The following PCDH10 variants were observed in gnomAD, a reference collection of about 807,000 sequenced individuals.
The protein encoded by PCDH10 is protocadherin-10.
Under a neutral mutation model 74.4 loss-of-function variants are expected in PCDH10, and 15 were observed. The ratio of observed to expected loss-of-function variants is 0.20; its 90% confidence interval spans 0.13 to 0.31. The LOEUF (loss-of-function observed/expected upper bound fraction) is 0.31. Among genes scored for constraint, PCDH10 ranks in the 10% least tolerant of loss-of-function variants. PCDH10 has a pLI of 1.00. For synonymous variants in PCDH10, 619 were observed against 589.8 expected (o/e 1.05, Z -0.72); for missense variants, 1,260 against 1,390.2 (o/e 0.91, Z 1.49).
chr4:133,178,106 A>C (rs1226377044), intron 4 of PCDH10, among the ~76,000 whole-genome samples: 3 of 152,034 alleles, frequency 2.0e-5, no homozygotes, highest in Non-Finnish European at 4.4e-5. Flanking sequence ...AGGTATAGTT[A>C]AGGTTAAGAT....
At chr4:133,166,468 G>A (rs1727084089) in intron 4 of PCDH10, among the ~76,000 whole-genome samples, 1 of 151,430 alleles carries the variant, frequency 6.6e-6, no homozygotes, top group African/African-American at 2.4e-5. Context: ...TATTTTAAAT[G>A]ATTCAGTCTT....
intron 2 of PCDH10, among the ~76,000 whole-genome samples, chr4:133,207,342 C>T (rs764571158): frequency 2.0e-5 from 3 of 152,168 alleles, no homozygotes; most frequent in Non-Finnish European, 4.4e-5. Context: ...AACTAGCAAG[C>T]TTCAATACTT....
intron 2 of PCDH10, among the ~76,000 whole-genome samples, chr4:133,203,451 A>G (rs1727943931): frequency 6.6e-6 from 1 of 152,152 alleles, no homozygotes; most frequent in African/African-American, 2.4e-5. Flanking sequence ...AGAGCCCCAG[A>G]CTTAAGTTGG....
chr4:133,154,254 C>G (rs188424886), intron 1 of PCDH10, 53 bp from the exon 2 acceptor site: 1 of 1,100,350 alleles, frequency 9.1e-7, no homozygotes, highest in Non-Finnish European at 1.4e-6. Flanking sequence ...AAGTAGACTG[C>G]TAGTTCAACC....
Position 133,193,020 on chromosome 4 carries a change from GAAA to G in PCDH10, c.*2867_*2869del, listed in dbSNP as rs202172903. On this transcript the variant is annotated 3_prime_UTR_variant, in exon 5 of 5. Coordinates refer to ENST00000264360, the MANE Select transcript of PCDH10 (RefSeq NM_032961.3). Reference sequence around the variant, plus strand: ...AGTATTTCGTCAATAAATTATTTCAGAAAAAAAAATCATGTCATTTACTCCTTG... The same window carrying G: ...AGTATTTCGTCAATAAATTATTTCAGAAAAAATCATGTCATTTACTCCTTG... 9.1e-6 allele frequency: 1 copy of G among 110,396 alleles called. No homozygotes were observed. The highest frequency in any genetic ancestry group is 2.2e-4 in the East Asian group (1 of 4,502). 6.8% of individuals were successfully genotyped at this position (110,396 alleles called of 1,614,324 possible). A position where few individuals can be genotyped will look rare whatever the true frequency, so the allele number is the denominator to read the frequency against.
Position 133,152,317 on chromosome 4 carries a change from C to T in PCDH10, c.2177C>T (p.Ser726Phe). 1.2e-6 allele frequency: 2 copies of T among 1,614,184 alleles called. No homozygotes were observed. The highest frequency in any genetic ancestry group is 2.7e-5 in the African/African-American group (2 of 75,054). The change falls in exon 1 of 5, where the codon TCC becomes TTC. Residue 726 changes from serine (S) to phenylalanine (F), a missense_variant. Coordinates refer to ENST00000264360, the MANE Select transcript of PCDH10 (RefSeq NM_032961.3). ...LILIIALGSV[S>F]FIFLLAMIVL... ...CTCATCATCGCGTTGGGCTCGGTGT[C>T]CTTCATCTTCCTGCTGGCCATGATC...
At chr4:133,167,705 C>G (rs1727115124) in intron 4 of PCDH10, among the ~76,000 whole-genome samples, 1 of 151,276 alleles carries the variant, frequency 6.6e-6, no homozygotes, top group Non-Finnish European at 1.5e-5. Context: ...TTTGTTGTTC[C>G]TGTTCTTTTA....
In PCDH10 at chr4:133,149,930, G is replaced by C. The variant is rs1033664287; in HGVS notation, c.-211G>C. On this transcript the variant is annotated 5_prime_UTR_variant, in exon 1 of 5. Transcript: ENST00000264360. ...AAAGGGGACGCCTGTCACCCTTCCT[G>C]TGCTAAGATTTAAAAAAAAATGAGG... The C allele has an allele frequency of 5.6e-6, 3 of 539,506 alleles. No homozygotes were observed. In the South Asian group the frequency reaches 1.3e-4, roughly 24 times the overall value. The allele number at this position is 539,506 out of a possible 1,614,324, so 33.4% of individuals were successfully genotyped here.
chr4:133,207,695 G>A (rs976558868), intron 2 of PCDH10, among the ~76,000 whole-genome samples: 4 of 151,968 alleles, frequency 2.6e-5, no homozygotes, highest in Non-Finnish European at 5.9e-5. Flanking sequence ...GATTATATTT[G>A]GAGAACAATA....
At chr4:133,164,502 T>G (rs1280774283) in intron 4 of PCDH10, among the ~76,000 whole-genome samples, 2 of 151,944 alleles carry the variant, frequency 1.3e-5, no homozygotes, top group Non-Finnish European at 2.9e-5. Flanking sequence ...AGGCAAAAAG[T>G]GAAGGGTATA....
intron 4 of PCDH10, among the ~76,000 whole-genome samples, chr4:133,188,507 C>A (rs1392468049): frequency 1.3e-5 from 2 of 151,930 alleles, no homozygotes; most frequent in African/African-American, 2.4e-5. Flanking sequence ...GTTATAATGA[C>A]TACCATATAT....
At chr4:133,187,973 G>T (rs1727576146) in intron 4 of PCDH10, among the ~76,000 whole-genome samples, 1 of 151,992 alleles carries the variant, frequency 6.6e-6, no homozygotes, top group South Asian at 2.1e-4. Context: ...TAGTTTTTCA[G>T]TATATTAGTT....
Position 133,154,999 on chromosome 4 carries a change from G to A in PCDH10, c.2773G>A (p.Ala925Thr). 5 of 1,611,816 alleles carry A rather than the reference G, an allele frequency of 3.1e-6. No individual in the cohort carries two copies. Among genetic ancestry groups the A allele is most frequent in the Non-Finnish European group, 4.2e-6 (5 of 1,177,940 alleles). ...DSEQGDSDHD[A>T]TNRAQSAGMD... The stretch of plus-strand genomic sequence containing the variant: ...TGAACAGGGAGATAGTGATCATGAT[G>A]CCACCAACCGTGCCCAGTCAGCTGG... The change falls in exon 3 of 5, where the codon GCC becomes ACC. Residue 925 changes from alanine (A) to threonine (T), a missense_variant. Ala to Thr is a moderately conservative substitution (Grantham distance 58). Coordinates refer to ENST00000264360, the MANE Select transcript of PCDH10 (RefSeq NM_032961.3).
At chr4:133,157,275 T>TA (rs1488451179) in intron 3 of PCDH10, among the ~76,000 whole-genome samples, 2 of 152,178 alleles carry the variant, frequency 1.3e-5, no homozygotes, top group African/African-American at 4.8e-5. Flanking sequence ...TTTGAAGTGT[T>TA]TTCTTTTTTA....
rs749449451 is a variant in PCDH10 at position 133,152,575 on chromosome 4, C to T, written c.2435C>T (p.Ser812Phe). 3.7e-6 allele frequency: 6 copies of T among 1,614,092 alleles called. No individual in the cohort carries two copies. Among genetic ancestry groups the T allele is most frequent in the South Asian group, 3.3e-5 (3 of 91,068 alleles). Residue 812 changes from serine to phenylalanine, a missense_variant, in exon 1 of 5, where the codon TCC becomes TTC. Physicochemically the swap from Ser to Phe is radical, Grantham distance 155 (BLOSUM62 -2). Coordinates refer to ENST00000264360, the MANE Select transcript of PCDH10 (RefSeq NM_032961.3). ...ATAGAGGAGTCCGGGGGCTTTGGCTCCCACCACCACAACCAGAATTACTGC... is the reference window on the plus strand; with the variant it reads ...ATAGAGGAGTCCGGGGGCTTTGGCTTCCACCACCACAACCAGAATTACTGC... ...VPIEESGGFG[S>F]HHHNQNYCYQ... is the part of the protein sequence containing the mutation.
At chr4:133,182,030 G>T (rs139734359) in intron 4 of PCDH10, among the ~76,000 whole-genome samples, 90 of 152,120 alleles carry the variant, frequency 5.9e-4, no homozygotes, top group African/African-American at 2.2e-3. Flanking sequence ...TTTAATGAAG[G>T]TCTTATTATT....
chr4:133,154,866 C>T, intron 2 of PCDH10, 51 bp from the exon 3 acceptor site: 2 of 1,248,448 alleles, frequency 1.6e-6, no homozygotes, highest in Non-Finnish European at 2.4e-6. Flanking sequence ...AGAATGTTTT[C>T]TGTGTTTCTT....
intron 4 of PCDH10, among the ~76,000 whole-genome samples, chr4:133,167,466 C>T (rs1727110577): frequency 6.6e-6 from 1 of 151,464 alleles, no homozygotes; most frequent in Admixed American, 6.6e-5. Context: ...AGTGTTTTCT[C>T]TAGGATTTGT....
chr4:133,158,086 G>C (rs1476052104), intron 3 of PCDH10, among the ~76,000 whole-genome samples: 1 of 151,972 alleles, frequency 6.6e-6, no homozygotes, highest in Non-Finnish European at 1.5e-5. Context: ...AAGGAGAAGT[G>C]GCAAATGCAG....
Sources: gnomAD v4.1 joint callset for allele counts (sites outside exome capture counted in the v4.1 genomes callset) on GRCh38, gnomAD v4.1.1 for gene constraint, MANE v1.5 for transcripts, NCBI Gene and HGNC (gene_info 2026-07-23, HGNC 2026-07-21) for gene names.